Variants in WASL observed in about 807,000 individuals in gnomAD.
The protein encoded by WASL is WASP like actin nucleation promoting factor, also known as actin nucleation-promoting factor WASL.
Under a neutral mutation model 55.5 loss-of-function variants are expected in WASL, and 20 were observed. The ratio of observed to expected loss-of-function variants is 0.36; its 90% CI spans 0.25 to 0.52. WASL has a LOEUF of 0.52. WASL is among the 20% of genes least tolerant of loss of function. The pLI is 0.92. For missense variants in WASL, 504 were observed against 622.5 expected, an observed-to-expected ratio of 0.81 and a Z score of 2.03; for synonymous variants, 249 against 217.6, an observed-to-expected ratio of 1.14 and a Z score of -1.27.
intron 1 of WASL, among the ~76,000 whole-genome samples, chr7:123,735,407 C>T (rs1261681336): frequency 6.6e-6 from 1 of 150,438 alleles, no homozygotes; most frequent in Non-Finnish European, 1.5e-5. Context: ...GGAAAAGACC[C>T]ATAGTGAAAA....
At position 123,683,335 on chromosome 7, in the gene WASL, G is replaced by T. The variant is rs975369061; in HGVS notation, c.*1184C>A. The T allele has an allele frequency of 6.6e-5, 10 of 151,478 alleles. No individual in the cohort carries two copies. Among genetic ancestry groups the T allele is most frequent in the Non-Finnish European group, 1.3e-4 (9 of 67,854 alleles). The allele number at this position is 151,478 out of a possible 1,614,324, so 9.4% of individuals were successfully genotyped here. On this transcript the variant is annotated 3_prime_UTR_variant, in exon 11 of 11. Coordinates refer to ENST00000223023, the MANE Select transcript of WASL (RefSeq NM_003941.4). ...AACCCTAATTTTAACACACCATTTA[G>T]TATGCATAACAAATGTGCAGGTTGT...
At chr7:123,729,541 A>G (rs959586980) in intron 1 of WASL, among the ~76,000 whole-genome samples, 1 of 152,222 alleles carries the variant, frequency 6.6e-6, no homozygotes, top group African/African-American at 2.4e-5. Context: ...AACTGTTCCT[A>G]GCATTCCATG....
chr7:123,740,411 T>C (rs531570991), intron 1 of WASL, among the ~76,000 whole-genome samples: 50 of 152,256 alleles, frequency 3.3e-4, no homozygotes, highest in African/African-American at 1.0e-3. Flanking sequence ...TCAGTATAAC[T>C]CTCGAATACT....
intron 1 of WASL, among the ~76,000 whole-genome samples, chr7:123,712,734 T>C (rs1803778331): frequency 6.6e-6 from 1 of 152,172 alleles, no homozygotes; most frequent in Non-Finnish European, 1.5e-5. Context: ...ACTACCTCTA[T>C]ATATGTTAGC....
intron 8 of WASL, among the ~76,000 whole-genome samples, chr7:123,694,069 A>C (rs536421235): frequency 1.3e-5 from 2 of 152,334 alleles, no homozygotes; most frequent in South Asian, 4.1e-4. Context: ...GCTTAACTAC[A>C]CTATTATGAG....
intron 1 of WASL, among the ~76,000 whole-genome samples, chr7:123,732,141 C>T (rs924842928): frequency 1.3e-5 from 2 of 152,080 alleles, no homozygotes; most frequent in Non-Finnish European, 2.9e-5. Context: ...TCCTGGCTAA[C>T]ATGGTGAAAC....
At position 123,683,391 on chromosome 7, in the gene WASL, T is replaced by C. The variant is rs1046000451; in HGVS notation, c.*1128A>G. The stretch of plus-strand genomic sequence containing the variant: ...TTTATCTTTAAAAAAAAAAAATCTA[T>C]CATTCAGTTATCTGTTCCAAGAACT... On this transcript the variant is annotated 3_prime_UTR_variant, in exon 11 of 11. Transcript: ENST00000223023. 1 of 151,820 alleles carries C rather than the reference T, an allele frequency of 6.6e-6. No homozygotes were observed. 9.4% of individuals were successfully genotyped at this position (151,820 alleles called of 1,614,324 possible). A position where few individuals can be genotyped will look rare whatever the true frequency, so the allele number is the denominator to read the frequency against.
At chr7:123,718,510 G>C (rs552515851) in intron 1 of WASL, among the ~76,000 whole-genome samples, 22 of 152,322 alleles carry the variant, frequency 1.4e-4, no homozygotes, top group Non-Finnish European at 2.5e-4. Flanking sequence ...GACAATGAGT[G>C]TATCTGGAAG....
chr7:123,736,717 G>T (rs1804237882), intron 1 of WASL, among the ~76,000 whole-genome samples: 1 of 152,140 alleles, frequency 6.6e-6, no homozygotes, highest in Non-Finnish European at 1.5e-5. Flanking sequence ...TATAAGAAAA[G>T]TATAAAAGTG....
intron 1 of WASL, among the ~76,000 whole-genome samples, chr7:123,731,508 C>A (rs1486526900): frequency 6.6e-6 from 1 of 152,102 alleles, no homozygotes; most frequent in Non-Finnish European, 1.5e-5. Context: ...AATACACATT[C>A]TTCTCAAACA....
At chr7:123,696,476 C>T (rs1356564699) in intron 6 of WASL, 103 bp downstream of exon 6, 8 of 1,149,650 alleles carry the variant, frequency 7.0e-6, no homozygotes, top group African/African-American at 1.6e-5. Flanking sequence ...TGAATGTACA[C>T]ACCCTCCCGA....
intron 1 of WASL, among the ~76,000 whole-genome samples, chr7:123,716,260 TGGA>T (rs1369665418): frequency 1.7e-4 from 26 of 152,014 alleles, no homozygotes; most frequent in Admixed American, 1.7e-3. Flanking sequence ...TCACCCAGGG[TGGA>T]GGAGTGCAAT....
At chr7:123,723,056 C>T (rs1439189292) in intron 1 of WASL, among the ~76,000 whole-genome samples, 1 of 152,078 alleles carries the variant, frequency 6.6e-6, no homozygotes, top group Non-Finnish European at 1.5e-5. Context: ...CCTGTTTTCC[C>T]ATCTATAAAA....
At chr7:123,742,468 C>T (rs1484327642) in intron 1 of WASL, among the ~76,000 whole-genome samples, 1 of 152,150 alleles carries the variant, frequency 6.6e-6, no homozygotes, top group Non-Finnish European at 1.5e-5. Context: ...AGTCAATTCA[C>T]TATAACTATT....
intron 1 of WASL, among the ~76,000 whole-genome samples, chr7:123,721,547 G>T (rs555698546): frequency 6.6e-6 from 1 of 152,094 alleles, no homozygotes; most frequent in South Asian, 2.1e-4. Flanking sequence ...ACAAACAAAC[G>T]AACAACAACA....
chr7:123,719,838 A>C (rs951755974), intron 1 of WASL, among the ~76,000 whole-genome samples: 4 of 152,134 alleles, frequency 2.6e-5, no homozygotes, highest in African/African-American at 9.7e-5. Flanking sequence ...TTTACCACCC[A>C]AGCCACCAGC....
At chr7:123,734,709 G>GT (rs1160644122) in intron 1 of WASL, among the ~76,000 whole-genome samples, 2 of 151,658 alleles carry the variant, frequency 1.3e-5, no homozygotes, top group African/African-American at 4.8e-5. Flanking sequence ...GTATGACACT[G>GT]TAACGGTGGA....
intron 1 of WASL, among the ~76,000 whole-genome samples, chr7:123,732,262 G>A (rs1419412385): frequency 2.6e-5 from 4 of 152,116 alleles, no homozygotes; most frequent in East Asian, 1.9e-4. Context: ...CCCGGGAGGC[G>A]GAGCTTGCAG....
chr7:123,684,709 T>A, intron 10 of WASL, 129 bp from the exon 11 acceptor site: 1 of 825,844 alleles, frequency 1.2e-6, no homozygotes, highest in Non-Finnish European at 1.6e-6. Flanking sequence ...ATCTAGTTAC[T>A]AAAACAGTTT....
Sources: gnomAD v4.1 joint callset for allele counts (sites outside exome capture counted in the v4.1 genomes callset) on GRCh38, gnomAD v4.1.1 for gene constraint, MANE v1.5 for transcripts, NCBI Gene and HGNC (gene_info 2026-07-23, HGNC 2026-07-21) for gene names.